Variants in ANO1 observed in about 807,000 individuals in gnomAD.
ANO1 encodes the protein anoctamin-1.
Under a neutral mutation model 124.0 loss-of-function variants are expected in ANO1, and 59 were observed. That is an observed-to-expected ratio of 0.48 (90% CI 0.39 to 0.59). ANO1 has a LOEUF of 0.59. Ranked by LOEUF, ANO1 falls within the 20% of genes least tolerant of loss-of-function variation. The probability of loss-of-function intolerance (pLI) is 0.00; values close to 1 mark genes in which losing one functional copy is unlikely to be tolerated. For missense variants in ANO1, 1,059 were observed against 1,328.0 expected (o/e 0.80, Z 3.15); for synonymous variants, 529 against 532.0 (o/e 0.99, Z 0.08).
intron 1 of ANO1, among the ~76,000 whole-genome samples, chr11:70,049,149 AC>A (rs2135076686): frequency 6.6e-6 from 1 of 152,262 alleles, no homozygotes; most frequent in Admixed American, 6.5e-5. Flanking sequence ...CCAAAAGCCC[AC>A]CTCAGCAGGC....
At chr11:70,058,481 T>C (rs1001293058) in intron 1 of ANO1, among the ~76,000 whole-genome samples, 5 of 152,216 alleles carry the variant, frequency 3.3e-5, no homozygotes, top group African/African-American at 4.8e-5. Context: ...GTTTGTGATA[T>C]GTCTGCGATG....
intron 22 of ANO1, among the ~76,000 whole-genome samples, chr11:70,172,484 G>A (rs1326358329): frequency 6.6e-6 from 1 of 152,178 alleles, no homozygotes; most frequent in African/African-American, 2.4e-5. Context: ...TTACATATTG[G>A]GGATATCACC....
chr11:70,140,929 C>A (rs564880644), intron 11 of ANO1, among the ~76,000 whole-genome samples: 3 of 152,138 alleles, frequency 2.0e-5, no homozygotes, highest in Non-Finnish European at 4.4e-5. Flanking sequence ...CAAGCCCCGG[C>A]CTCATTTTTC....
Position 70,165,639 on chromosome 11 carries a change from G to A in ANO1, c.2051+69G>A, listed in dbSNP as rs1252634562. 4.5e-6 allele frequency: 6 copies of A among 1,345,244 alleles called. No individual in the cohort carries two copies. The African/African-American group carries it at 7.2e-5, about 16-fold the overall frequency. 83.3% of individuals were successfully genotyped at this position (1,345,244 alleles called of 1,614,324 possible). A position where few individuals can be genotyped will look rare whatever the true frequency, so the allele number is the denominator to read the frequency against. ...GCGGAGGGGTGTGTGGGTGGCTCCT[G>A]CGGGGGTCTGGGTGGACGCGGGGCC... is the stretch of plus-strand genomic sequence containing the variant. On this transcript the variant is annotated intron_variant, in intron 20 of 25. Coordinates refer to ENST00000355303, the MANE Select transcript of ANO1 (RefSeq NM_018043.7).
At chr11:70,115,852 C>T (rs1317048466) in intron 7 of ANO1, among the ~76,000 whole-genome samples, 1 of 152,154 alleles carries the variant, frequency 6.6e-6, no homozygotes, top group South Asian at 2.1e-4. Flanking sequence ...GGGCTTTCAA[C>T]CCTTAGACCC....
At chr11:70,103,451 G>A (rs1049036216) in intron 3 of ANO1, among the ~76,000 whole-genome samples, 11 of 152,026 alleles carry the variant, frequency 7.2e-5, no homozygotes, top group Admixed American at 5.9e-4. Flanking sequence ...CTCGGCCCCC[G>A]GGGAATTTAC....
At chr11:70,130,659 G>A (rs1003271931) in intron 10 of ANO1, among the ~76,000 whole-genome samples, 3 of 152,188 alleles carry the variant, frequency 2.0e-5, no homozygotes, top group African/African-American at 7.2e-5. Context: ...ATGAGTCTCA[G>A]GCATCATGAA....
intron 1 of ANO1, among the ~76,000 whole-genome samples, chr11:70,016,176 C>T (rs192532012): frequency 1.3e-5 from 2 of 152,042 alleles, no homozygotes; most frequent in East Asian, 1.9e-4. Context: ...TACAGGTGCA[C>T]GCCACCACGC....
At chr11:70,181,540 G>C (rs1298418044) in intron 23 of ANO1, among the ~76,000 whole-genome samples, 5 of 152,252 alleles carry the variant, frequency 3.3e-5, no homozygotes, top group Admixed American at 3.3e-4. Flanking sequence ...AGTGGGTGGA[G>C]CTGGGAACAG....
intron 2 of ANO1, among the ~76,000 whole-genome samples, chr11:70,100,295 G>C (rs1259383574): frequency 6.6e-6 from 1 of 152,222 alleles, no homozygotes; most frequent in South Asian, 2.1e-4. Flanking sequence ...ACGTGGCCTT[G>C]TTTGGAAGAA....
chr11:70,117,100 C>CTT (rs756764991), intron 8 of ANO1, among the ~76,000 whole-genome samples: 14 of 61,530 alleles, frequency 2.3e-4, no homozygotes, highest in African/African-American at 8.2e-4. Context: ...TTGTTTCTTT[C>CTT]TTTTTTTTTT....
intron 1 of ANO1, among the ~76,000 whole-genome samples, chr11:70,039,374 T>G (rs1182365578): frequency 6.6e-6 from 1 of 152,208 alleles, no homozygotes; most frequent in Non-Finnish European, 1.5e-5. Flanking sequence ...AGACCAGGTA[T>G]GCCAACTTTT....
chr11:70,032,857 A>AAGG (rs1857027018), intron 1 of ANO1, among the ~76,000 whole-genome samples: 2 of 149,718 alleles, frequency 1.3e-5, no homozygotes, highest in African/African-American at 4.9e-5. Context: ...GGGAAAGTAG[A>AAGG]AGGGTGGATG....
At chr11:70,073,912 G>C (rs189878116), upstream of ANO1, among the ~76,000 whole-genome samples, 1 of 134,000 alleles carries the variant, frequency 7.5e-6, no homozygotes, top group African/African-American at 2.9e-5. Context: ...GGCAGTTTCC[G>C]AGCCCATGGA....
At chr11:70,120,292 G>A (rs1314893163) in intron 8 of ANO1, among the ~76,000 whole-genome samples, 1 of 152,094 alleles carries the variant, frequency 6.6e-6, no homozygotes. Context: ...GTACTTGGGA[G>A]CCCCTTCCTC....
intron 1 of ANO1, among the ~76,000 whole-genome samples, chr11:70,039,638 T>TACCTTCCCTTCCGCAGGTAGTAGTCCC (rs1857151276): frequency 6.6e-6 from 1 of 151,444 alleles, no homozygotes; most frequent in African/African-American, 2.4e-5. Context: ...GTGGTAGTCC[T>TACCTTCCCTTCCGCAGGTAGTAGTCCC]ACCTCCCCTT....
intron 4 of ANO1, among the ~76,000 whole-genome samples, chr11:70,104,621 C>T (rs998114283): frequency 2.6e-5 from 4 of 152,194 alleles, no homozygotes; most frequent in African/African-American, 4.8e-5. Flanking sequence ...GGCAGGGCCA[C>T]GTCTATTCTG....
chr11:70,045,867 G>GT (rs782699778), intron 1 of ANO1, among the ~76,000 whole-genome samples: 27 of 152,278 alleles, frequency 1.8e-4, no homozygotes, highest in Middle Eastern at 3.4e-3. Context: ...GATGGTGAGG[G>GT]TTTTGTTCAT....
chr11:70,081,476 G>A (rs2044198544), intron 1 of ANO1, among the ~76,000 whole-genome samples: 1 of 152,140 alleles, frequency 6.6e-6, no homozygotes, highest in Admixed American at 6.5e-5. Context: ...TTTTTTAGAA[G>A]ACAAAGGAAG....
Sources: allele counts gnomAD v4.1 joint callset (sites outside exome capture counted in the v4.1 genomes callset), GRCh38; gene constraint gnomAD v4.1.1; transcripts MANE v1.5; gene names NCBI Gene and HGNC (gene_info 2026-07-23, HGNC 2026-07-21).